The following CYTH4 variants were observed in gnomAD, a reference collection of about 807,000 sequenced individuals.
The protein encoded by CYTH4 is cytohesin-4.
Under a neutral mutation model 57.5 loss-of-function variants are expected in CYTH4, and 22 were observed. The observed-to-expected ratio is 0.38, with a 90% CI of 0.27 to 0.55. The LOEUF (loss-of-function observed/expected upper bound fraction) is 0.55. Ranked by LOEUF, CYTH4 falls within the 20% of genes least tolerant of loss-of-function variation. The probability of loss-of-function intolerance (pLI) is 0.74; values close to 1 mark genes in which losing one functional copy is unlikely to be tolerated. For missense variants in CYTH4, 420 were observed against 535.6 expected (o/e 0.78, Z 2.13); for synonymous variants, 186 against 206.5 (o/e 0.90, Z 0.85).
chr22:37,302,828 G>A (rs1165673315), intron 7 of CYTH4, among the ~76,000 whole-genome samples: 4 of 152,198 alleles, frequency 2.6e-5, no homozygotes, highest in Non-Finnish European at 5.9e-5. Flanking sequence ...TTACAGAGCA[G>A]CAGTGGCTCA....
chr22:37,282,688 G>A (rs1019790567), intron 1 of CYTH4, 100 bp downstream of exon 1: 62 of 1,086,346 alleles, frequency 5.7e-5, no homozygotes, highest in Admixed American at 1.2e-4. Context: ...GGAATACAGC[G>A]CAGGTGGGAA....
chr22:37,308,719 TGC>T (rs1045024260), intron 8 of CYTH4, among the ~76,000 whole-genome samples: 52 of 151,716 alleles, frequency 3.4e-4, no homozygotes, highest in African/African-American at 1.0e-3. Flanking sequence ...CATGTGTGTG[TGC>T]GTGTATGTAT....
chr22:37,306,066 A>G (rs1929382302), intron 8 of CYTH4, among the ~76,000 whole-genome samples: 1 of 152,172 alleles, frequency 6.6e-6, no homozygotes, highest in Admixed American at 6.5e-5. Flanking sequence ...CAGCTTCCTC[A>G]TCTGCAAAGT....
chr22:37,305,885 G>A (rs1486065459), intron 8 of CYTH4, among the ~76,000 whole-genome samples: 1 of 152,192 alleles, frequency 6.6e-6, no homozygotes, highest in Non-Finnish European at 1.5e-5. Context: ...GGTGCACAGT[G>A]GTAGTCAGGG....
At chr22:37,286,758 G>A (rs759701592) in intron 1 of CYTH4, among the ~76,000 whole-genome samples, 4 of 152,150 alleles carry the variant, frequency 2.6e-5, no homozygotes, top group Non-Finnish European at 5.9e-5. Context: ...GAGCTGGGAC[G>A]GGGAGGGGCA....
At chr22:37,284,095 C>T (rs1057277928) in intron 1 of CYTH4, among the ~76,000 whole-genome samples, 5 of 152,226 alleles carry the variant, frequency 3.3e-5, no homozygotes, top group African/African-American at 9.6e-5. Flanking sequence ...CGAGAACCTG[C>T]GGGAGAGAGC....
At chr22:37,285,397 T>G (rs79410920) in intron 1 of CYTH4, among the ~76,000 whole-genome samples, 3,566 of 152,128 alleles carry the variant, frequency 0.023, 127 homozygotes, top group African/African-American at 0.075. Flanking sequence ...GTGTGTATTA[T>G]TATTAGTATT....
chr22:37,291,834 C>T (rs957569093), intron 1 of CYTH4, among the ~76,000 whole-genome samples: 1 of 152,168 alleles, frequency 6.6e-6, no homozygotes, highest in Non-Finnish European at 1.5e-5. Flanking sequence ...CATAGAATGC[C>T]GCACACACAA....
At chr22:37,304,088 C>A (rs1042724529) in intron 8 of CYTH4, 1 of 440,662 alleles carries the variant, frequency 2.3e-6, no homozygotes, top group African/African-American at 2.0e-5. Flanking sequence ...GCTGTCACTG[C>A]GGCTGTCATT....
intron 8 of CYTH4, among the ~76,000 whole-genome samples, chr22:37,307,245 G>A (rs1052963859): frequency 2.0e-5 from 3 of 152,224 alleles, no homozygotes; most frequent in African/African-American, 7.2e-5. Flanking sequence ...TTTTCTTTGC[G>A]GGGGCAGAAT....
chr22:37,312,456 C>T (rs1350813666), intron 12 of CYTH4, among the ~76,000 whole-genome samples: 1 of 152,240 alleles, frequency 6.6e-6, no homozygotes, highest in African/African-American at 2.4e-5. Flanking sequence ...TTGCCTGGCA[C>T]GTGGTGAGTG....
Position 37,299,332 on chromosome 22 carries a change from G to A in CYTH4, c.434+26G>A, listed in dbSNP as rs376939672. On this transcript the variant is annotated intron_variant, in intron 6 of 12. Coordinates refer to ENST00000248901, the MANE Select transcript of CYTH4 (RefSeq NM_013385.5). Reference sequence around the variant, plus strand: ...GTGAGTAGTCCTGGGGCAGGGTCCCGGCCCTCAAGGGTGGCACAGCCCCAG... The same window carrying A: ...GTGAGTAGTCCTGGGGCAGGGTCCCAGCCCTCAAGGGTGGCACAGCCCCAG... The A allele has an allele frequency of 1.6e-4, 250 of 1,604,376 alleles. 1 individual carries two copies. In the Middle Eastern group the frequency reaches 2.8e-3, roughly 18 times the overall value.
At chr22:37,297,538 T>C in intron 4 of CYTH4, 26 bp from the exon 5 acceptor site, 1 of 1,604,730 alleles carries the variant, frequency 6.2e-7, no homozygotes, top group Non-Finnish European at 8.5e-7. Flanking sequence ...CAGCAGCTGC[T>C]CACGGCTTCT....
rs138304568 is a variant in CYTH4 at position 37,299,764 on chromosome 22, A to G, written c.434+458A>G. On this transcript the variant is annotated intron_variant, in intron 6 of 12. Coordinates refer to ENST00000248901, the MANE Select transcript of CYTH4 (RefSeq NM_013385.5). ...GAAGCACAAACTCTGGAGCCAGACT[A>G]TACAGTTCAAATCCCAGCTCTGCTG... is the stretch of plus-strand genomic sequence containing the variant. 3.2e-3 allele frequency among the ~76,000 whole-genome samples: 485 copies of G among 152,310 alleles called. 2 individuals are homozygous for G. Among genetic ancestry groups the G allele is most frequent in the African/African-American group, 0.011 (459 of 41,570 alleles).
intron 8 of CYTH4, among the ~76,000 whole-genome samples, chr22:37,305,458 T>A (rs1245439160): frequency 6.6e-6 from 1 of 152,170 alleles, no homozygotes; most frequent in Non-Finnish European, 1.5e-5. Context: ...TCTGGTTGTG[T>A]GACTTTAGGA....
intron 1 of CYTH4, among the ~76,000 whole-genome samples, chr22:37,289,521 T>C (rs1280387895): frequency 1.3e-5 from 2 of 152,202 alleles, no homozygotes; most frequent in Non-Finnish European, 2.9e-5. Context: ...TGTTAGAAAG[T>C]CATAAGGGAC....
intron 8 of CYTH4, among the ~76,000 whole-genome samples, chr22:37,307,255 T>C (rs540103896): frequency 6.6e-6 from 1 of 152,320 alleles, no homozygotes; most frequent in African/African-American, 2.4e-5. Flanking sequence ...GGGGGCAGAA[T>C]GTACAGGCTG....
In CYTH4 at chr22:37,307,498, C is replaced by T. The variant is rs113870346; in HGVS notation, c.697-1714C>T. 5.9e-3 allele frequency among the ~76,000 whole-genome samples: 893 copies of T among 152,246 alleles called. 12 individuals carry two copies. Among genetic ancestry groups the T allele is most frequent in the African/African-American group, 0.021 (866 of 41,534 alleles). ...AGAAACTGGTGCCTGCTCTTCCCCACCCCCATAGCCCCACAGCCAGATTGA... is the reference window on the plus strand; with the variant it reads ...AGAAACTGGTGCCTGCTCTTCCCCATCCCCATAGCCCCACAGCCAGATTGA... On this transcript the variant is annotated intron_variant, in intron 8 of 12. Coordinates refer to ENST00000248901, the MANE Select transcript of CYTH4 (RefSeq NM_013385.5).
At chr22:37,284,475 A>G (rs1928477681) in intron 1 of CYTH4, among the ~76,000 whole-genome samples, 1 of 152,112 alleles carries the variant, frequency 6.6e-6, no homozygotes, top group Non-Finnish European at 1.5e-5. Context: ...CTTGAGGAGG[A>G]GGCCAGAGGG....
Sources: allele counts gnomAD v4.1 joint callset (sites outside exome capture counted in the v4.1 genomes callset), GRCh38; gene constraint gnomAD v4.1.1; transcripts MANE v1.5; gene names NCBI Gene and HGNC (gene_info 2026-07-23, HGNC 2026-07-21).